Variants in PTPRD observed in about 807,000 individuals in gnomAD.
PTPRD encodes the protein receptor-type tyrosine-protein phosphatase delta.
In PTPRD, 34 loss-of-function variants were observed where a neutral mutation model predicts 214.5. That is an observed-to-expected ratio of 0.16 (90% CI 0.12 to 0.21). PTPRD has a LOEUF of 0.21. Ranked by LOEUF, PTPRD falls within the 10% of genes least tolerant of loss-of-function variation. PTPRD has a pLI of 1.00. For missense variants in PTPRD, 2,545 were observed against 2,398.7 expected, an observed-to-expected ratio of 1.06 and a Z score of -1.27; for synonymous variants, 1,128 against 845.7, an observed-to-expected ratio of 1.33 and a Z score of -5.79.
chr9:10,156,870 C>T (rs2099096689), intron 3 of PTPRD, among the ~76,000 whole-genome samples: 1 of 152,144 alleles, frequency 6.6e-6, no homozygotes, highest in Non-Finnish European at 1.5e-5. Flanking sequence ...TGAATTGAAC[C>T]TTCTACCATT....
At chr9:9,787,275 G>C (rs1393054885) in intron 5 of PTPRD, among the ~76,000 whole-genome samples, 1 of 151,280 alleles carries the variant, frequency 6.6e-6, no homozygotes, top group Non-Finnish European at 1.5e-5. Context: ...TAGTAAAATA[G>C]TTGGGTGGTA....
At chr9:8,524,461 G>C (rs1011545924) in intron 18 of PTPRD, among the ~76,000 whole-genome samples, 3 of 152,108 alleles carry the variant, frequency 2.0e-5, no homozygotes, top group African/African-American at 4.8e-5. Context: ...AGAGTTAGCA[G>C]CTTTATCCTT....
At position 10,460,553 on chromosome 9, in the gene PTPRD, C is replaced by A. The variant is rs539620625; in HGVS notation, c.-599-119536G>T. Reference sequence around the variant, plus strand: ...CAGACCAGTGGAAGAGATTAAAGAGCCCCAAAATAAATCTAAACATATACA... The same window carrying A: ...CAGACCAGTGGAAGAGATTAAAGAGACCCAAAATAAATCTAAACATATACA... On this transcript the variant is annotated intron_variant, in intron 2 of 45. Coordinates refer to ENST00000381196, the MANE Select transcript of PTPRD (RefSeq NM_002839.4). 1.2e-4 allele frequency among the ~76,000 whole-genome samples: 18 copies of A among 152,004 alleles called. No homozygotes were observed. The South Asian group carries it at 3.3e-3, about 28-fold the overall frequency.
intron 11 of PTPRD, among the ~76,000 whole-genome samples, chr9:8,826,133 C>T (rs1415977914): frequency 6.6e-6 from 1 of 152,032 alleles, no homozygotes; most frequent in Non-Finnish European, 1.5e-5. Flanking sequence ...TCAATTTCTT[C>T]CCAATCTTCC....
At chr9:8,830,797 G>C (rs907892974) in intron 11 of PTPRD, among the ~76,000 whole-genome samples, 1 of 152,150 alleles carries the variant, frequency 6.6e-6, no homozygotes, top group Non-Finnish European at 1.5e-5. Context: ...AAGGGCATAC[G>C]TGATGGTGAA....
chr9:10,092,918 G>C (rs1292654687), intron 3 of PTPRD, among the ~76,000 whole-genome samples: 1 of 151,542 alleles, frequency 6.6e-6, no homozygotes, highest in Admixed American at 6.6e-5. Context: ...AATGAAACTG[G>C]ACTCCTGCCT....
At position 10,386,331 on chromosome 9, in the gene PTPRD, T is replaced by A. The variant is rs1487890137; in HGVS notation, c.-599-45314A>T. Among the ~76,000 whole-genome samples, 3 of 151,900 alleles carry A rather than the reference T, an allele frequency of 2.0e-5. No individual in the cohort carries two copies. In the Admixed American group the frequency reaches 2.0e-4, roughly 10 times the overall value. On this transcript the variant is annotated intron_variant, in intron 2 of 45. Coordinates refer to ENST00000381196, the MANE Select transcript of PTPRD (RefSeq NM_002839.4). ...TTGCTATACAATGGATATTTTGGTC[T>A]TCTCATTCTCTCATATTTTAGCCTA...
intron 9 of PTPRD, among the ~76,000 whole-genome samples, chr9:9,303,969 A>T (rs1956296078): frequency 6.6e-6 from 1 of 152,144 alleles, no homozygotes; most frequent in African/African-American, 2.4e-5. Context: ...TCTAGCAGTA[A>T]CATTTGTTCC....
At chr9:8,644,738 C>T (rs780470416) in intron 12 of PTPRD, among the ~76,000 whole-genome samples, 33 of 152,200 alleles carry the variant, frequency 2.2e-4, no homozygotes, top group Non-Finnish European at 4.1e-4. Flanking sequence ...CACCCGGAAC[C>T]GCCCACCCCG....
intron 11 of PTPRD, among the ~76,000 whole-genome samples, chr9:9,014,507 A>G (rs1215561171): frequency 6.6e-6 from 1 of 152,182 alleles, no homozygotes; most frequent in Non-Finnish European, 1.5e-5. Context: ...AGTGAATAAG[A>G]TCACAATCAA....
At chr9:8,602,671 G>C (rs922387787) in intron 14 of PTPRD, among the ~76,000 whole-genome samples, 3 of 152,148 alleles carry the variant, frequency 2.0e-5, no homozygotes, top group Non-Finnish European at 4.4e-5. Flanking sequence ...CAATAGAAAA[G>C]ACTGTCAACT....
intron 5 of PTPRD, among the ~76,000 whole-genome samples, chr9:9,805,377 C>T (rs973330084): frequency 1.3e-5 from 2 of 151,846 alleles, no homozygotes; most frequent in African/African-American, 2.4e-5. Flanking sequence ...ATTAAGTGAC[C>T]GGTTAGGAAG....
At chr9:10,420,766 T>C (rs1013677680) in intron 2 of PTPRD, among the ~76,000 whole-genome samples, 2 of 151,944 alleles carry the variant, frequency 1.3e-5, no homozygotes, top group Admixed American at 1.3e-4. Flanking sequence ...CATTCTAAAG[T>C]ATCTATTCTT....
intron 2 of PTPRD, among the ~76,000 whole-genome samples, chr9:10,504,133 A>T: frequency 7.0e-6 from 1 of 143,800 alleles, no homozygotes; most frequent in Non-Finnish European, 1.5e-5. Flanking sequence ...AAAAAAAAAA[A>T]AAAAAAAAGA....
intron 14 of PTPRD, among the ~76,000 whole-genome samples, chr9:8,582,806 C>A (rs1318465753): frequency 1.3e-5 from 2 of 152,120 alleles, no homozygotes; most frequent in Admixed American, 1.3e-4. Context: ...GGGACAATCA[C>A]TGGAGACAAA....
At chr9:9,827,316 C>T (rs62533718) in intron 5 of PTPRD, among the ~76,000 whole-genome samples, 27 of 152,118 alleles carry the variant, frequency 1.8e-4, no homozygotes, top group Admixed American at 5.9e-4. Flanking sequence ...GAGATATAGA[C>T]CAATGGAACA....
chr9:9,252,764 C>A (rs931984628), intron 9 of PTPRD, among the ~76,000 whole-genome samples: 1 of 152,084 alleles, frequency 6.6e-6, no homozygotes, highest in Non-Finnish European at 1.5e-5. Flanking sequence ...GTTTTAAACA[C>A]CTCTTCTGGG....
At chr9:8,727,176 T>C (rs2098593386) in intron 12 of PTPRD, among the ~76,000 whole-genome samples, 1 of 152,204 alleles carries the variant, frequency 6.6e-6, no homozygotes, top group East Asian at 1.9e-4. Flanking sequence ...GTTTAGGGCC[T>C]ATTCCCAAAT....
rs764320816 is a variant in PTPRD, at chr9:8,336,628, C to CAAA, written c.5379+2291_5379+2293dup. Among the ~76,000 whole-genome samples, 453 of 114,510 alleles carry CAAA rather than the reference C, an allele frequency of 4.0e-3. 3 individuals are homozygous for CAAA. The highest frequency in any genetic ancestry group is 7.2e-3 in the African/African-American group (213 of 29,450). The allele number at this position is 114,510 out of a possible 152,430, so 75.1% of individuals were successfully genotyped here. A position where few individuals can be genotyped will look rare whatever the true frequency, so the allele number is the denominator to read the frequency against. On this transcript the variant is annotated intron_variant, in intron 43 of 45. Transcript: ENST00000381196. ...ATTAAACTAAAGAGCTTCTGCAGAG[C>CAAA]AAAAAAAAAAAAAAAAAACTACCAT...
Sources: gnomAD v4.1 joint callset for allele counts (sites outside exome capture counted in the v4.1 genomes callset) on GRCh38, gnomAD v4.1.1 for gene constraint, MANE v1.5 for transcripts, NCBI Gene and HGNC (gene_info 2026-07-23, HGNC 2026-07-21) for gene names.